The following STK32B variants were observed in gnomAD, a reference collection of about 807,000 sequenced individuals.
STK32B encodes the protein serine/threonine kinase 32B.
STK32B carries 43 observed loss-of-function variants against 52.6 expected under a neutral mutation model. The ratio of observed to expected loss-of-function variants is 0.82; its 90% CI spans 0.64 to 1.05. STK32B has a LOEUF of 1.05. STK32B is among the 50% of genes least tolerant of loss of function. The pLI is 0.00. For synonymous variants in STK32B, 238 were observed against 204.3 expected, an observed-to-expected ratio of 1.17 and a Z score of -1.41; for missense variants, 621 against 534.6, an observed-to-expected ratio of 1.16 and a Z score of -1.59.
the STK32B span, among the ~76,000 whole-genome samples, chr4:5,041,453 A>C: frequency 6.6e-6 from 1 of 152,030 alleles, no homozygotes; most frequent in African/African-American, 2.4e-5. Flanking sequence ...ACAGACACTT[A>C]ATTTGAGGTC....
intron 3 of STK32B, among the ~76,000 whole-genome samples, chr4:5,312,731 G>C (rs62300002): frequency 6.6e-6 from 1 of 151,750 alleles, no homozygotes; most frequent in South Asian, 2.1e-4. Flanking sequence ...ATTGTGAATA[G>C]TGCCACAATA....
chr4:5,294,041 G>T (rs188066622), intron 3 of STK32B, among the ~76,000 whole-genome samples: 2 of 152,136 alleles, frequency 1.3e-5, no homozygotes, highest in Non-Finnish European at 2.9e-5. Context: ...TTATTAAATA[G>T]GGAATCCTTT....
intron 8 of STK32B, among the ~76,000 whole-genome samples, 168 bp downstream of exon 8, chr4:5,457,091 G>T (rs36043916): frequency 0.021 from 3,162 of 152,268 alleles, 137 homozygotes; most frequent in African/African-American, 0.071. Flanking sequence ...TGTTATGGGG[G>T]TGCGTGCAGA....
intron 3 of STK32B, among the ~76,000 whole-genome samples, chr4:5,327,963 G>A (rs1731987524): frequency 6.6e-6 from 1 of 152,210 alleles, no homozygotes; most frequent in Non-Finnish European, 1.5e-5. Flanking sequence ...GTAACTTGCT[G>A]CAGCTTCTCC....
At chr4:5,134,891 T>C (rs1273925080) in intron 1 of STK32B, among the ~76,000 whole-genome samples, 1 of 152,248 alleles carries the variant, frequency 6.6e-6, no homozygotes, top group Admixed American at 6.5e-5. Context: ...TTACTAGCCA[T>C]CTTGAAAGTT....
intron 3 of STK32B, among the ~76,000 whole-genome samples, chr4:5,283,899 A>G (rs1728373944): frequency 6.6e-6 from 1 of 152,186 alleles, no homozygotes; most frequent in South Asian, 2.1e-4. Flanking sequence ...AACCAAAAAA[A>G]ATGAAAGTGA....
chr4:5,471,109 G>A (rs1717822231), intron 11 of STK32B, among the ~76,000 whole-genome samples: 1 of 152,212 alleles, frequency 6.6e-6, no homozygotes, highest in Admixed American at 6.5e-5. Context: ...ACATCACACA[G>A]GAGGGCCACA....
intron 1 of STK32B, among the ~76,000 whole-genome samples, chr4:5,135,320 C>T (rs1187987302): frequency 2.0e-5 from 3 of 150,530 alleles, no homozygotes; most frequent in Non-Finnish European, 4.5e-5. Context: ...ACTTCCCCAA[C>T]ATCACCCAGC....
intron 4 of STK32B, among the ~76,000 whole-genome samples, chr4:5,385,820 GCCCACAGTCCCA>G (rs1736211599): frequency 6.6e-6 from 1 of 150,660 alleles, no homozygotes; most frequent in South Asian, 2.1e-4. Flanking sequence ...CCACAGCCTC[GCCCACAGTCCCA>G]CCCACAGCTC....
At chr4:5,446,294 G>C (rs187812966) in intron 6 of STK32B, among the ~76,000 whole-genome samples, 2 of 152,308 alleles carry the variant, frequency 1.3e-5, no homozygotes, top group Admixed American at 1.3e-4. Flanking sequence ...GACCGGATGC[G>C]ATGGCTCACG....
At chr4:5,361,482 G>A (rs62297295) in intron 4 of STK32B, among the ~76,000 whole-genome samples, 7,396 of 152,156 alleles carry the variant, frequency 0.049, 474 homozygotes, top group Admixed American at 0.18. Flanking sequence ...AGCAACACCC[G>A]CACCTCAGCA....
In STK32B at chr4:5,168,460, G is replaced by T. The variant is rs753188345; in HGVS notation, c.260+10G>T. The T allele has an allele frequency of 1.9e-6, 3 of 1,609,370 alleles. No homozygotes were observed. The South Asian group carries it at 3.3e-5, about 18-fold the overall frequency. On this transcript the variant is annotated intron_variant, in intron 3 of 11. Coordinates refer to ENST00000282908, the MANE Select transcript of STK32B (RefSeq NM_018401.3). ...TCCTGGTCAATCTGTGGTGAGTGTG[G>T]CTCCATCCAGGGCTCCTGTGGGTTC...
rs1464310763 is a variant in STK32B, at chr4:5,159,562, A to AATGAATATATATGAATATATAT, written c.109-8692_109-8671dup. Among the ~76,000 whole-genome samples, 29 of 51,634 alleles carry AATGAATATATATGAATATATAT rather than the reference A, an allele frequency of 5.6e-4. 1 individual carries two copies. The highest frequency in any genetic ancestry group is 8.8e-4 in the Non-Finnish European group (26 of 29,434). The allele number at this position is 51,634 out of a possible 152,430, so 33.9% of individuals were successfully genotyped here. On this transcript the variant is annotated intron_variant, in intron 2 of 11. Transcript: ENST00000282908. ...ATATGTATATATATGAATATATATGAATGAATATATATGAATATATATATG... is the reference window on the plus strand; with the variant it reads ...ATATGTATATATATGAATATATATGAATGAATATATATGAATATATATATGAATATATATGAATATATATATG...
At chr4:5,438,665 A>G (rs11731946) in intron 6 of STK32B, among the ~76,000 whole-genome samples, 4,574 of 152,290 alleles carry the variant, frequency 0.03, 81 homozygotes, top group South Asian at 0.092. Context: ...GGTTAGTTAC[A>G]TATGTATACA....
chr4:5,229,131 T>C (rs1724071294), intron 3 of STK32B, among the ~76,000 whole-genome samples: 1 of 152,078 alleles, frequency 6.6e-6, no homozygotes, highest in African/African-American at 2.4e-5. Flanking sequence ...CTGATGGACT[T>C]GCTTGACACA....
At chr4:5,052,373 G>A (rs1218700114) in intron 1 of STK32B, among the ~76,000 whole-genome samples, 1 of 152,106 alleles carries the variant, frequency 6.6e-6, no homozygotes, top group Admixed American at 6.5e-5. Flanking sequence ...TCGTGCAAGG[G>A]CCTGTTGGAT....
chr4:5,248,196 A>G (rs1236658975), intron 3 of STK32B, among the ~76,000 whole-genome samples: 4 of 152,228 alleles, frequency 2.6e-5, no homozygotes, highest in African/African-American at 9.6e-5. Flanking sequence ...GTACCTGCTC[A>G]GTATAACACA....
At chr4:5,166,997 G>GGAACCAATACAGTCCCT (rs1553842355) in intron 2 of STK32B, among the ~76,000 whole-genome samples, 1 of 152,104 alleles carries the variant, frequency 6.6e-6, no homozygotes, top group Non-Finnish European at 1.5e-5. Flanking sequence ...AACTGTCCAT[G>GGAACCAATACAGTCCCT]CCACATGTGC....
chr4:5,252,398 C>T (rs868084553), intron 3 of STK32B, among the ~76,000 whole-genome samples: 1 of 152,180 alleles, frequency 6.6e-6, no homozygotes, highest in African/African-American at 2.4e-5. Context: ...GGCACAATGT[C>T]CCATTAGTTG....
Sources: allele counts gnomAD v4.1 joint callset (sites outside exome capture counted in the v4.1 genomes callset), GRCh38; gene constraint gnomAD v4.1.1; transcripts MANE v1.5; gene names NCBI Gene and HGNC (gene_info 2026-07-23, HGNC 2026-07-21).